Variants in SLC16A9 observed in about 807,000 individuals in gnomAD.
SLC16A9 encodes monocarboxylate transporter 9.
SLC16A9 carries 26 observed loss-of-function variants against 44.3 expected under a neutral mutation model. The ratio of observed to expected loss-of-function variants is 0.59; its 90% CI spans 0.43 to 0.81. SLC16A9 has a LOEUF of 0.81. Ranked by LOEUF, SLC16A9 falls within the 40% of genes least tolerant of loss-of-function variation. The pLI, the probability that SLC16A9 is intolerant of heterozygous loss-of-function variation, is 0.00. For synonymous variants in SLC16A9, 230 were observed against 225.1 expected (o/e 1.02, Z -0.19); for missense variants, 559 against 595.8 (o/e 0.94, Z 0.64).
At chr10:59,697,207 C>T (rs959787408) in intron 1 of SLC16A9, among the ~76,000 whole-genome samples, 2 of 150,854 alleles carry the variant, frequency 1.3e-5, no homozygotes, top group Admixed American at 6.6e-5. Flanking sequence ...CCCCTCTGCC[C>T]GGCCACCACC....
chr10:59,663,068 G>A (rs1839518708), intron 4 of SLC16A9, among the ~76,000 whole-genome samples: 1 of 152,088 alleles, frequency 6.6e-6, no homozygotes, highest in African/African-American at 2.4e-5. Flanking sequence ...AAGAAAATGT[G>A]GCATGTATAG....
chr10:59,681,984 T>A (rs985420707), intron 2 of SLC16A9, among the ~76,000 whole-genome samples: 1 of 151,930 alleles, frequency 6.6e-6, no homozygotes, highest in East Asian at 1.9e-4. Flanking sequence ...TCTATGCTCA[T>A]CTTTAAAAGC....
At chr10:59,686,247 A>C (rs772945594) in intron 1 of SLC16A9, among the ~76,000 whole-genome samples, 24 of 152,134 alleles carry the variant, frequency 1.6e-4, no homozygotes, top group Non-Finnish European at 1.9e-4. Flanking sequence ...TTTAATCTCT[A>C]ATGGGGCTTT....
chr10:59,663,279 T>C (rs1024919147), intron 4 of SLC16A9, among the ~76,000 whole-genome samples: 4 of 152,034 alleles, frequency 2.6e-5, no homozygotes, highest in African/African-American at 9.7e-5. Context: ...GAGAATCACT[T>C]GAACCCGGGA....
At chr10:59,665,703 A>G (rs1441162703) in intron 3 of SLC16A9, among the ~76,000 whole-genome samples, 2 of 152,220 alleles carry the variant, frequency 1.3e-5, no homozygotes, top group Admixed American at 6.5e-5. Flanking sequence ...CTTAACTAAG[A>G]CTATTTCTGA....
intron 3 of SLC16A9, among the ~76,000 whole-genome samples, chr10:59,670,300 G>A (rs560523804): frequency 2.4e-4 from 37 of 152,224 alleles, no homozygotes; most frequent in African/African-American, 8.4e-4. Context: ...AATAAAAAAG[G>A]AAGCTCAGAG....
At chr10:59,703,753 G>C (rs1258280722) in intron 1 of SLC16A9, among the ~76,000 whole-genome samples, 2 of 148,902 alleles carry the variant, frequency 1.3e-5, no homozygotes, top group African/African-American at 5.0e-5. Context: ...AAGTCTTGCT[G>C]TGTCGCCCAG....
At chr10:59,678,529 TTTTTC>T (rs1462215559) in intron 2 of SLC16A9, among the ~76,000 whole-genome samples, 7 of 17,712 alleles carry the variant, frequency 4.0e-4, no homozygotes, top group African/African-American at 7.6e-4. Context: ...CAATCTTTTT[TTTTTC>T]TTTTTCTTTT....
In SLC16A9 at chr10:59,709,564, G is replaced by C. The variant is rs921920324; in HGVS notation, c.-122C>G. On this transcript the variant is annotated 5_prime_UTR_variant, in exon 1 of 6. Transcript: ENST00000395348. ...CCGGGCTGGTGGTGTGGTGGGGATCGCGGCCGCCGCTCTCCCCTGCAGCTC... is the reference window on the plus strand; with the variant it reads ...CCGGGCTGGTGGTGTGGTGGGGATCCCGGCCGCCGCTCTCCCCTGCAGCTC... 2.0e-5 allele frequency: 3 copies of C among 152,338 alleles called. No individual in the cohort carries two copies. The highest frequency in any genetic ancestry group is 7.2e-5 in the African/African-American group (3 of 41,432). The allele number at this position is 152,338 out of a possible 1,614,324, so 9.4% of individuals were successfully genotyped here. A position where few individuals can be genotyped will look rare whatever the true frequency, so the allele number is the denominator to read the frequency against.
At chr10:59,696,379 G>A (rs1452477335) in intron 1 of SLC16A9, among the ~76,000 whole-genome samples, 1 of 152,234 alleles carries the variant, frequency 6.6e-6, no homozygotes, top group African/African-American at 2.4e-5. Context: ...TTGCCGGGAT[G>A]GCAGACGGAG....
At chr10:59,698,213 A>G (rs1241392355) in intron 1 of SLC16A9, among the ~76,000 whole-genome samples, 1 of 152,220 alleles carries the variant, frequency 6.6e-6, no homozygotes, top group African/African-American at 2.4e-5. Flanking sequence ...CTTAATACTT[A>G]GAACACTTAA....
chr10:59,702,045 G>A (rs1840535414), intron 1 of SLC16A9, among the ~76,000 whole-genome samples: 1 of 152,160 alleles, frequency 6.6e-6, no homozygotes, highest in African/African-American at 2.4e-5. Context: ...TTGGCACATA[G>A]GGAAAGCTCA....
At chr10:59,652,996 G>A (rs1311476536) in intron 5 of SLC16A9, 46 bp from the exon 6 acceptor site, 2 of 1,476,736 alleles carry the variant, frequency 1.4e-6, no homozygotes, top group Non-Finnish European at 1.9e-6. Context: ...GAAATAGTAT[G>A]AACATCCATC....
chr10:59,657,693 A>C (rs973764664), intron 4 of SLC16A9, among the ~76,000 whole-genome samples: 1 of 152,246 alleles, frequency 6.6e-6, no homozygotes, highest in African/African-American at 2.4e-5. Context: ...ACATTTGGAC[A>C]TTAGGGAAAC....
intron 1 of SLC16A9, among the ~76,000 whole-genome samples, chr10:59,696,746 C>T (rs1408349216): frequency 6.6e-6 from 1 of 151,754 alleles, no homozygotes; most frequent in African/African-American, 2.4e-5. Context: ...AGTGTCTCTG[C>T]CCGGCCGCCC....
In SLC16A9 at chr10:59,700,853, C is replaced by T. The variant is rs879561820; in HGVS notation, c.-37+8626G>A. Among the ~76,000 whole-genome samples, 6 of 152,154 alleles carry T rather than the reference C, an allele frequency of 3.9e-5. No homozygotes were observed. The East Asian group carries it at 5.8e-4, about 15-fold the overall frequency. On this transcript the variant is annotated intron_variant, in intron 1 of 5. Transcript: ENST00000395348. Reference sequence around the variant, plus strand: ...GCCTCCTCATTCTTGACACTGTTTACGTCTCTGTTTTTATGAACCACTGCC... The same window carrying T: ...GCCTCCTCATTCTTGACACTGTTTATGTCTCTGTTTTTATGAACCACTGCC...
intron 1 of SLC16A9, chr10:59,708,476 T>A (rs559931182): frequency 6.6e-6 from 1 of 152,288 alleles, no homozygotes; most frequent in East Asian, 1.9e-4. Context: ...CAACGGAAAA[T>A]CCTGGGTGCA....
chr10:59,703,618 A>G (rs917269964), intron 1 of SLC16A9, among the ~76,000 whole-genome samples: 2 of 152,170 alleles, frequency 1.3e-5, no homozygotes, highest in East Asian at 3.9e-4. Flanking sequence ...GGCACCACTC[A>G]GGCCAAATCT....
In SLC16A9 at chr10:59,667,231, G is replaced by A. The variant is rs992554257; in HGVS notation, c.341-2909C>T. ...AGGAAACTATCACTTAACAAATTTCGGTAGAGGAATATCTATAATTACCTG... is the reference window on the plus strand; with the variant it reads ...AGGAAACTATCACTTAACAAATTTCAGTAGAGGAATATCTATAATTACCTG... On this transcript the variant is annotated intron_variant, in intron 3 of 5. Coordinates refer to ENST00000395348, the MANE Select transcript of SLC16A9 (RefSeq NM_194298.3). Among the ~76,000 whole-genome samples, 7 of 152,106 alleles carry A rather than the reference G, an allele frequency of 4.6e-5. No homozygotes were observed. In the East Asian group the frequency reaches 7.7e-4, roughly 17 times the overall value.
Sources: gnomAD v4.1 joint callset for allele counts (sites outside exome capture counted in the v4.1 genomes callset) on GRCh38, gnomAD v4.1.1 for gene constraint, MANE v1.5 for transcripts, NCBI Gene and HGNC (gene_info 2026-07-23, HGNC 2026-07-21) for gene names.